Variants in SLC22A23 observed in about 807,000 individuals in gnomAD.
SLC22A23 encodes ion transporter protein.
Under a neutral mutation model 61.0 loss-of-function variants are expected in SLC22A23, and 26 were observed. The observed-to-expected ratio is 0.43, with a 90% CI of 0.31 to 0.59. The LOEUF (loss-of-function observed/expected upper bound fraction) is 0.59. Among genes scored for constraint, SLC22A23 ranks in the 20% least tolerant of loss-of-function variants. The pLI, the probability that SLC22A23 is intolerant of heterozygous loss-of-function variation, is 0.11. For synonymous variants in SLC22A23, 430 were observed against 413.9 expected (o/e 1.04, Z -0.47); for missense variants, 796 against 934.7 (o/e 0.85, Z 1.94).
intron 9 of SLC22A23, 107 bp downstream of exon 9, chr6:3,283,739 TCCAGAG>T (rs1561863623): frequency 3.2e-6 from 5 of 1,546,838 alleles, no homozygotes; most frequent in South Asian, 2.3e-5. Context: ...AGCTGATGTG[TCCAGAG>T]CCAGAGACAG....
At chr6:3,428,700 C>A (rs1561975424) in intron 1 of SLC22A23, among the ~76,000 whole-genome samples, 1 of 152,162 alleles carries the variant, frequency 6.6e-6, no homozygotes, top group Non-Finnish European at 1.5e-5. Context: ...AATTAACGAT[C>A]CAATAAGGAA....
chr6:3,432,485 G>A (rs987412350), intron 1 of SLC22A23: 4 of 736,322 alleles, frequency 5.4e-6, no homozygotes, highest in Non-Finnish European at 6.6e-6. Context: ...TTCCAGGAAC[G>A]CGTCTCCTTC....
chr6:3,272,798 T>G lies in SLC22A23; in HGVS notation c.*257A>C, dbSNP rs1758558973. On this transcript the variant is annotated 3_prime_UTR_variant, in exon 10 of 10. Transcript: ENST00000406686. ...TGAGAGGGAGAGGGAATAAAGTGCT[T>G]CTCGTAAAAATGACCAAAATAAATA... 4 of 386,596 alleles carry G rather than the reference T, an allele frequency of 1.0e-5. No individual in the cohort carries two copies. The South Asian group carries it at 2.0e-4, about 19-fold the overall frequency. The allele number at this position is 386,596 out of a possible 1,614,324, so 23.9% of individuals were successfully genotyped here.
chr6:3,436,478 G>A (rs1239492156), intron 1 of SLC22A23, among the ~76,000 whole-genome samples: 2 of 152,122 alleles, frequency 1.3e-5, no homozygotes, highest in African/African-American at 2.4e-5. Context: ...AGGGTTTTCT[G>A]CTACTTGCAG....
chr6:3,451,832 G>A (rs1288412807), intron 1 of SLC22A23, among the ~76,000 whole-genome samples: 3 of 152,116 alleles, frequency 2.0e-5, no homozygotes, highest in African/African-American at 7.2e-5. Context: ...GGCTTAAAAC[G>A]GTTCAACTTG....
chr6:3,438,353 G>T, intron 1 of SLC22A23: 1 of 362,012 alleles, frequency 2.8e-6, no homozygotes, highest in Non-Finnish European at 5.5e-6. Context: ...AGCCGGCAAA[G>T]CCACGAGGTG....
chr6:3,443,834 G>C (rs767245748), intron 1 of SLC22A23, among the ~76,000 whole-genome samples: 6 of 152,100 alleles, frequency 3.9e-5, no homozygotes, highest in Non-Finnish European at 2.9e-5. Context: ...CTTGACCAGG[G>C]ATCACATGAG....
intron 3 of SLC22A23, among the ~76,000 whole-genome samples, chr6:3,334,721 C>T (rs1026282278): frequency 4.6e-5 from 7 of 152,324 alleles, no homozygotes; most frequent in East Asian, 1.9e-4. Flanking sequence ...TGTGGCACAT[C>T]GCCCGGTGCT....
In SLC22A23 at chr6:3,283,876, G is replaced by A. The variant is rs755338018; in HGVS notation, c.1679C>T (p.Ala560Val). ...AVGSLSVFFC[A>V]EITPTVIRCG... ...CCTTATCACCGTCGGGGTGATCTCC[G>A]CACAGAAGAACACGCTGAGGCTCCC... The change falls in exon 9 of 10, where the codon GCG (alanine) becomes GTG (valine). Residue 560 changes from alanine to valine, a missense_variant. By Grantham distance (64) the Ala-to-Val change is moderately conservative. Transcript: ENST00000406686. 132 of 1,613,592 alleles carry A rather than the reference G, an allele frequency of 8.2e-5. No homozygotes were observed. Among genetic ancestry groups the A allele is most frequent in the Middle Eastern group, 1.6e-4 (1 of 6,082 alleles).
chr6:3,440,348 G>C (rs1377793303), intron 1 of SLC22A23, among the ~76,000 whole-genome samples: 2 of 152,166 alleles, frequency 1.3e-5, no homozygotes. Flanking sequence ...TTTAAAGAGG[G>C]TAGTAAGGTC....
At position 3,386,371 on chromosome 6, in the gene SLC22A23, C is replaced by A. The variant is rs1767307278; in HGVS notation, c.913+23817G>T. 1.3e-5 allele frequency among the ~76,000 whole-genome samples: 2 copies of A among 152,176 alleles called. No individual in the cohort carries two copies. The highest frequency in any genetic ancestry group is 4.1e-4 in the South Asian group (2 of 4,832). On this transcript the variant is annotated intron_variant, in intron 3 of 9. Transcript: ENST00000406686. This position sits in a 1 kb window ranked among gnomAD's most constrained non-coding sequence, Gnocchi z 4.4. ...AGAGCGAAGGAGAAGGGAGAGCACG[C>A]TTGCTCTGTGTACGCCACACGCACA...
chr6:3,366,983 A>G (rs1765877557), intron 3 of SLC22A23, among the ~76,000 whole-genome samples: 1 of 152,260 alleles, frequency 6.6e-6, no homozygotes, highest in Non-Finnish European at 1.5e-5. Flanking sequence ...ACCAGGTCTT[A>G]GGCAGTGAGC....
At chr6:3,280,319 A>G (rs1347518057) in intron 9 of SLC22A23, among the ~76,000 whole-genome samples, 1 of 152,074 alleles carries the variant, frequency 6.6e-6, no homozygotes, top group Non-Finnish European at 1.5e-5. Flanking sequence ...GATCATGGGC[A>G]GCTCCGTCTG....
At chr6:3,422,707 AT>A (rs1260259801) in intron 1 of SLC22A23, among the ~76,000 whole-genome samples, 1 of 152,050 alleles carries the variant, frequency 6.6e-6, no homozygotes, top group African/African-American at 2.4e-5. Flanking sequence ...CTCCGGGGAA[AT>A]TTTTTCTCTT....
At chr6:3,275,736 C>G (rs774845939) in intron 9 of SLC22A23, among the ~76,000 whole-genome samples, 1 of 152,180 alleles carries the variant, frequency 6.6e-6, no homozygotes, top group African/African-American at 2.4e-5. Context: ...GCGCGTGCCA[C>G]CATGCCCAGC....
In SLC22A23 at chr6:3,276,109, T is replaced by TTG. The variant is rs112452724; in HGVS notation, c.1704-2699_1704-2698dup. On this transcript the variant is annotated intron_variant, in intron 9 of 9. Transcript: ENST00000406686. The stretch of plus-strand genomic sequence containing the variant: ...TCAGAATGCAATGGAAGAATGGTGA[T>TTG]TGTGTGTGTGTGTGTGTGTTGGGGG... Among the ~76,000 whole-genome samples, 436 of 150,804 alleles carry TTG rather than the reference T, an allele frequency of 2.9e-3. 5 individuals carry two copies. Among genetic ancestry groups the TTG allele is most frequent in the African/African-American group, 6.0e-3 (247 of 41,146 alleles).
At chr6:3,323,714 G>C (rs570814253) in intron 4 of SLC22A23, 120 bp downstream of exon 4, 1 of 1,199,268 alleles carries the variant, frequency 8.3e-7, no homozygotes, top group East Asian at 2.6e-5. Flanking sequence ...AACCTTCTCA[G>C]ACAGAACCAC....
intron 1 of SLC22A23, among the ~76,000 whole-genome samples, chr6:3,421,637 T>C (rs963367161): frequency 1.3e-5 from 2 of 151,802 alleles, no homozygotes; most frequent in African/African-American, 4.9e-5. Flanking sequence ...TATTTTCAAC[T>C]TTATACTTTT....
intron 3 of SLC22A23, among the ~76,000 whole-genome samples, chr6:3,337,667 C>A (rs573462572): frequency 1.3e-5 from 2 of 152,024 alleles, no homozygotes; most frequent in African/African-American, 4.8e-5. Context: ...TGTGCTCGGG[C>A]CCCACCGAGG....
Sources: gnomAD v4.1 joint callset for allele counts (sites outside exome capture counted in the v4.1 genomes callset) on GRCh38, gnomAD v4.1.1 for gene constraint, Gnocchi (gnomAD v3.1) non-coding constraint, MANE v1.5 for transcripts, NCBI Gene and HGNC (gene_info 2026-07-23, HGNC 2026-07-21) for gene names.